LYPLAL1: variants seen among roughly 807,000 people sequenced by gnomAD.
LYPLAL1 encodes the protein lysophospholipase-like protein 1.
LYPLAL1 carries 23 observed loss-of-function variants against 19.7 expected under a neutral mutation model. The observed-to-expected ratio is 1.17, with a 90% CI of 0.84 to 1.65. The LOEUF is 1.65. Ranked by LOEUF, LYPLAL1 falls within the 40% of genes most tolerant of loss-of-function variation. The pLI, the probability that LYPLAL1 is intolerant of heterozygous loss-of-function variation, is 0.00. For missense variants in LYPLAL1, 355 were observed against 279.4 expected, an observed-to-expected ratio of 1.27 and a Z score of -1.93; for synonymous variants, 119 against 96.3, an observed-to-expected ratio of 1.24 and a Z score of -1.38.
At chr1:219,371,370 C>T in the LYPLAL1 span, among the ~76,000 whole-genome samples, 2 of 152,196 alleles carry the variant, frequency 1.3e-5, no homozygotes, top group Non-Finnish European at 2.9e-5. Context: ...AAGCATTGCC[C>T]TCCTGGGGGG....
the LYPLAL1 span, among the ~76,000 whole-genome samples, chr1:219,303,876 A>C: frequency 6.6e-6 from 1 of 152,208 alleles, no homozygotes; most frequent in Non-Finnish European, 1.5e-5. Flanking sequence ...TTGAAGAAAC[A>C]GTTCCCTTCA....
At chr1:219,226,706 TCAA>T in the LYPLAL1 span, among the ~76,000 whole-genome samples, 1 of 152,226 alleles carries the variant, frequency 6.6e-6, no homozygotes, top group African/African-American at 2.4e-5. Context: ...CAATAGATAT[TCAA>T]CAGTTAACTG....
the LYPLAL1 span, among the ~76,000 whole-genome samples, chr1:219,406,792 A>AC: frequency 5.4e-5 from 8 of 147,706 alleles, no homozygotes; most frequent in Non-Finnish European, 1.1e-4. Context: ...AGAAAAAAAA[A>AC]CCCTGCATTT....
chr1:219,429,507 A>T, the LYPLAL1 span, among the ~76,000 whole-genome samples: 3 of 152,080 alleles, frequency 2.0e-5, no homozygotes, highest in Admixed American at 6.5e-5. Flanking sequence ...AAAATTTAAA[A>T]ATTAGCCACC....
chr1:219,298,853 T>A, the LYPLAL1 span, among the ~76,000 whole-genome samples: 1 of 152,228 alleles, frequency 6.6e-6, no homozygotes, highest in East Asian at 1.9e-4. Flanking sequence ...GGAATTTTTA[T>A]CTGGAAGAGT....
At chr1:219,415,663 C>G in the LYPLAL1 span, among the ~76,000 whole-genome samples, 1 of 152,176 alleles carries the variant, frequency 6.6e-6, no homozygotes, top group African/African-American at 2.4e-5. Flanking sequence ...CAGTAACTTC[C>G]GGGTCATTGC....
the LYPLAL1 span, among the ~76,000 whole-genome samples, chr1:219,219,816 C>T: frequency 6.6e-6 from 1 of 152,080 alleles, no homozygotes; most frequent in Non-Finnish European, 1.5e-5. Flanking sequence ...ATAAACTTCT[C>T]AGTAAGGTAA....
At chr1:219,295,661 C>T in the LYPLAL1 span, among the ~76,000 whole-genome samples, 2 of 152,256 alleles carry the variant, frequency 1.3e-5, no homozygotes, top group African/African-American at 4.8e-5. Flanking sequence ...TAAGAGTTTT[C>T]AGATTGCCAG....
At chr1:219,359,011 C>A in the LYPLAL1 span, among the ~76,000 whole-genome samples, 2 of 151,930 alleles carry the variant, frequency 1.3e-5, no homozygotes, top group Non-Finnish European at 2.9e-5. Flanking sequence ...CATAAGTTTA[C>A]TAGAAAACAA....
chr1:219,386,729 TAA>T, the LYPLAL1 span, among the ~76,000 whole-genome samples: 1 of 152,218 alleles, frequency 6.6e-6, no homozygotes, highest in South Asian at 2.1e-4. Flanking sequence ...GAAGTGAACT[TAA>T]CCCAAATCTG....
the LYPLAL1 span, among the ~76,000 whole-genome samples, chr1:219,249,177 A>G: frequency 1.3e-5 from 2 of 151,918 alleles, no homozygotes; most frequent in African/African-American, 2.4e-5. Flanking sequence ...CATCTATTTC[A>G]TTCCTTTTCC....
chr1:219,258,100 T>A, the LYPLAL1 span, among the ~76,000 whole-genome samples: 1 of 152,116 alleles, frequency 6.6e-6, no homozygotes, highest in Non-Finnish European at 1.5e-5. Context: ...TCAGACCTTA[T>A]GGTTGTCTTC....
At chr1:219,186,536 T>G (rs1026139953) in intron 2 of LYPLAL1, among the ~76,000 whole-genome samples, 9 of 51,046 alleles carry the variant, frequency 1.8e-4, no homozygotes, top group African/African-American at 3.5e-4. Flanking sequence ...TATTGTCTTT[T>G]TTATGGCTAC....
the LYPLAL1 span, among the ~76,000 whole-genome samples, chr1:219,301,558 T>C: frequency 6.6e-6 from 1 of 152,248 alleles, no homozygotes; most frequent in Non-Finnish European, 1.5e-5. Flanking sequence ...CCAAAGTAAT[T>C]TTATTTGCAT....
At chr1:219,186,707 C>G (rs1445127062) in intron 2 of LYPLAL1, among the ~76,000 whole-genome samples, 1 of 151,552 alleles carries the variant, frequency 6.6e-6, no homozygotes, top group Non-Finnish European at 1.5e-5. Flanking sequence ...TATGGTATGT[C>G]TTTTTCCATT....
the LYPLAL1 span, among the ~76,000 whole-genome samples, chr1:219,315,409 A>T: frequency 1.5e-4 from 23 of 152,114 alleles, no homozygotes; most frequent in Non-Finnish European, 2.8e-4. Context: ...AAGAAAAAAA[A>T]ACTCCTCATA....
the LYPLAL1 span, among the ~76,000 whole-genome samples, chr1:219,305,028 T>A: frequency 6.6e-6 from 1 of 152,182 alleles, no homozygotes; most frequent in Non-Finnish European, 1.5e-5. Context: ...AGCCAAAGAG[T>A]TCCCAGACAT....
chr1:219,331,813 A>T, the LYPLAL1 span, among the ~76,000 whole-genome samples: 1 of 152,166 alleles, frequency 6.6e-6, no homozygotes. Flanking sequence ...TTGGAGAGGT[A>T]CAATTTTGTG....
chr1:219,195,148 GAACA>G (rs1466492220), intron 3 of LYPLAL1, among the ~76,000 whole-genome samples: 22 of 152,050 alleles, frequency 1.4e-4, no homozygotes, highest in African/African-American at 5.3e-4. Context: ...ACTGAGAGAT[GAACA>G]AACTATTTGG....
Sources: allele counts gnomAD v4.1 joint callset (sites outside exome capture counted in the v4.1 genomes callset), GRCh38; gene constraint gnomAD v4.1.1; transcripts MANE v1.5; gene names NCBI Gene and HGNC (gene_info 2026-07-23, HGNC 2026-07-21).